SNAP25: variants seen among roughly 807,000 people sequenced by gnomAD.
SNAP25 encodes synaptosomal-associated protein 25.
In SNAP25, 3 loss-of-function variants were observed where a neutral mutation model predicts 28.7. The observed-to-expected ratio is 0.10, with a 90% CI of 0.05 to 0.27. The LOEUF is 0.27. Among genes scored for constraint, SNAP25 ranks in the 10% least tolerant of loss-of-function variants. The pLI is 1.00. For missense variants in SNAP25, 117 were observed against 278.7 expected (o/e 0.42, Z 4.13); for synonymous variants, 61 against 88.1 (o/e 0.69, Z 1.72).
chr20:10,236,959 C>CATAAATAA (rs3063167), intron 1 of SNAP25, among the ~76,000 whole-genome samples: 7,552 of 146,426 alleles, frequency 0.052, 256 homozygotes, highest in Non-Finnish European at 0.06. Context: ...AAGGAAAATA[C>CATAAATAA]ATAAATAAAT....
At chr20:10,288,990 T>C (rs2063939937) in intron 4 of SNAP25, among the ~76,000 whole-genome samples, 1 of 152,186 alleles carries the variant, frequency 6.6e-6, no homozygotes, top group Non-Finnish European at 1.5e-5. Context: ...GCTCTACTAA[T>C]TTTGTTTATG....
intron 4 of SNAP25, among the ~76,000 whole-genome samples, chr20:10,289,056 G>A (rs2040803207): frequency 6.6e-6 from 1 of 152,176 alleles, no homozygotes. Context: ...GGAGCCTCAA[G>A]AAACAGCCAT....
intron 5 of SNAP25, among the ~76,000 whole-genome samples, chr20:10,294,501 G>C (rs2064064942): frequency 6.6e-6 from 1 of 152,114 alleles, no homozygotes; most frequent in South Asian, 2.1e-4. Context: ...CATCAGAAAT[G>C]TAAAATGGTT....
chr20:10,296,939 A>G lies in SNAP25; in HGVS notation c.296A>G (p.Asp99Gly). The G allele has an allele frequency of 6.2e-7, 1 of 1,614,184 alleles. No individual in the cohort carries two copies. The highest frequency in any genetic ancestry group is 8.5e-7 in the Non-Finnish European group (1 of 1,180,028). Residue 99 changes from aspartate (D) to glycine (G), a missense_variant, in exon 6 of 8, where the codon GAT becomes GGT. By Grantham distance (94) the Asp-to-Gly change is moderately conservative. Around this residue, in one of 3 missense-constraint regions of SNAP25, gnomAD observed 88 missense variants for 206.9 expected, o/e 0.43. Coordinates refer to ENST00000254976, the MANE Select transcript of SNAP25 (RefSeq NM_130811.4). ...VCPCNKLKSS[D>G]AYKKAWGNNQ... ...CTTTTGCATAGGCTTAAATCAAGTG[A>G]TGCTTACAAAAAAGCCTGGGGCAAT...
chr20:10,300,687 G>A (rs2064215132), intron 7 of SNAP25, among the ~76,000 whole-genome samples: 1 of 152,178 alleles, frequency 6.6e-6, no homozygotes, highest in Non-Finnish European at 1.5e-5. Flanking sequence ...CATACTCCAT[G>A]TTAAAAATAT....
chr20:10,265,175 G>T (rs2063486459), intron 1 of SNAP25, among the ~76,000 whole-genome samples: 1 of 152,140 alleles, frequency 6.6e-6, no homozygotes, highest in Non-Finnish European at 1.5e-5. Flanking sequence ...ATGAAAAGAG[G>T]AGATTGAATT....
At chr20:10,225,772 C>T (rs931203588) in intron 1 of SNAP25, among the ~76,000 whole-genome samples, 3 of 152,262 alleles carry the variant, frequency 2.0e-5, no homozygotes, top group Middle Eastern at 6.8e-3. Context: ...GTCCCAGCTT[C>T]CCCATCACTT....
At chr20:10,224,048 C>G (rs75056697) in intron 1 of SNAP25, among the ~76,000 whole-genome samples, 2,792 of 152,176 alleles carry the variant, frequency 0.018, 82 homozygotes, top group African/African-American at 0.064. Context: ...TCCTAACAAC[C>G]TTGTGGTCAG....
chr20:10,238,582 C>A, intron 1 of SNAP25, among the ~76,000 whole-genome samples: 1 of 152,018 alleles, frequency 6.6e-6, no homozygotes, highest in East Asian at 1.9e-4. Context: ...GTCAACATAT[C>A]CAACTTCATG....
intron 3 of SNAP25, among the ~76,000 whole-genome samples, chr20:10,283,794 A>G (rs2063824559): frequency 6.6e-6 from 1 of 152,136 alleles, no homozygotes; most frequent in African/African-American, 2.4e-5. Context: ...TCCAAACTAT[A>G]AGCAATGCCA....
chr20:10,282,162 TGGAAGGAAGGAAGGAAGGAAGGAAGGAA>T (rs536313526), intron 3 of SNAP25, among the ~76,000 whole-genome samples: 2 of 76,600 alleles, frequency 2.6e-5, no homozygotes, highest in Admixed American at 1.6e-4. Context: ...GAAGGAAGGA[TGGAAGGAAGGAAGGAAGGAAGGAAGGAA>T]GGAAGGAAGG....
In SNAP25 at chr20:10,300,267, A is replaced by G. The variant is rs115179597; in HGVS notation, c.552+855A>G. ...TTCCTATAAAGAGACCTAGGGCACCAAAACCTGATATTCTACAACACAGAA... is the reference window on the plus strand; with the variant it reads ...TTCCTATAAAGAGACCTAGGGCACCGAAACCTGATATTCTACAACACAGAA... On this transcript the variant is annotated intron_variant, in intron 7 of 7. Transcript: ENST00000254976. Among the ~76,000 whole-genome samples, 1,141 of 152,302 alleles carry G rather than the reference A, an allele frequency of 7.5e-3. 8 individuals carry two copies. The highest frequency in any genetic ancestry group is 0.026 in the African/African-American group (1,068 of 41,572).
At chr20:10,228,501 T>G (rs754302895) in intron 1 of SNAP25, among the ~76,000 whole-genome samples, 9 of 152,148 alleles carry the variant, frequency 5.9e-5, no homozygotes, top group Non-Finnish European at 1.3e-4. Context: ...GATATGGTGG[T>G]GTAAGTGACC....
At chr20:10,295,688 C>CAA (rs33935419) in intron 5 of SNAP25, among the ~76,000 whole-genome samples, 16,761 of 151,188 alleles carry the variant, frequency 0.11, 1,157 homozygotes, top group East Asian at 0.18. Context: ...TGGTGTCTTA[C>CAA]AAAAAAAAAT....
intron 3 of SNAP25, 54 bp downstream of exon 3, chr20:10,277,780 T>G: frequency 6.7e-7 from 1 of 1,497,182 alleles, no homozygotes; most frequent in Non-Finnish European, 9.3e-7. Flanking sequence ...TGCTGATACA[T>G]CCTTTCCTAG....
chr20:10,299,717 C>A (rs757102932), intron 7 of SNAP25, among the ~76,000 whole-genome samples: 29 of 152,270 alleles, frequency 1.9e-4, no homozygotes, highest in African/African-American at 6.3e-4. Context: ...AAGAAATTCA[C>A]GGCCTATGGG....
chr20:10,290,531 A>G (rs362591), intron 4 of SNAP25, among the ~76,000 whole-genome samples: 2,601 of 152,138 alleles, frequency 0.017, 77 homozygotes, highest in African/African-American at 0.06. Context: ...AATATCAATT[A>G]TCTAATTCAT....
intron 1 of SNAP25, among the ~76,000 whole-genome samples, chr20:10,229,675 T>C (rs776040835): frequency 6.6e-6 from 1 of 152,158 alleles, no homozygotes. Context: ...GTAGATATTA[T>C]GTTAGGCTAT....
At chr20:10,287,846 C>T (rs929732701) in intron 4 of SNAP25, among the ~76,000 whole-genome samples, 6 of 151,998 alleles carry the variant, frequency 3.9e-5, no homozygotes, top group South Asian at 2.1e-4. Flanking sequence ...ATGATGAGTT[C>T]GTGTCCTTTG....
Sources: allele counts gnomAD v4.1 joint callset (sites outside exome capture counted in the v4.1 genomes callset), GRCh38; gene constraint gnomAD v4.1.1; regional missense constraint gnomAD v4.1.1; transcripts MANE v1.5; gene names NCBI Gene and HGNC (gene_info 2026-07-23, HGNC 2026-07-21).